The following OPCML variants were observed in gnomAD, a reference collection of about 807,000 sequenced individuals.
OPCML encodes the protein opioid binding protein/cell adhesion molecule like, also known as opioid-binding protein/cell adhesion molecule.
A neutral mutation model predicts 37.8 loss-of-function variants in OPCML; 13 were observed. The observed-to-expected ratio is 0.34, with a 90% CI of 0.22 to 0.55. OPCML has a LOEUF of 0.55. Ranked by LOEUF, OPCML falls within the 20% of genes least tolerant of loss-of-function variation. The pLI is 0.91. For missense variants in OPCML, 341 were observed against 435.6 expected (o/e 0.78, Z 1.93); for synonymous variants, 176 against 168.8 (o/e 1.04, Z -0.33).
intron 1 of OPCML, among the ~76,000 whole-genome samples, chr11:133,225,261 T>A (rs1939993823): frequency 6.6e-6 from 1 of 152,168 alleles, no homozygotes; most frequent in Non-Finnish European, 1.5e-5. Context: ...AGATTCTGAT[T>A]TCTCAGTTCA....
At chr11:132,448,686 C>T (rs889220501) in intron 4 of OPCML, among the ~76,000 whole-genome samples, 12 of 152,200 alleles carry the variant, frequency 7.9e-5, no homozygotes, top group African/African-American at 2.9e-4. Context: ...TCTTGCTAGC[C>T]TCCCTTCTTA....
At chr11:132,441,180 T>C (rs1281587070) in intron 4 of OPCML, among the ~76,000 whole-genome samples, 2 of 122,548 alleles carry the variant, frequency 1.6e-5, no homozygotes, top group African/African-American at 6.5e-5. Context: ...TTTTTTTTTT[T>C]TTTTTGAGAC....
chr11:133,178,438 AAT>A (rs542145571), intron 1 of OPCML, among the ~76,000 whole-genome samples: 3 of 150,884 alleles, frequency 2.0e-5, no homozygotes, highest in South Asian at 2.1e-4. Flanking sequence ...TTCAAATATG[AAT>A]ATATATATAT....
intron 2 of OPCML, among the ~76,000 whole-genome samples, chr11:132,910,593 T>C (rs1944396982): frequency 6.6e-6 from 1 of 152,210 alleles, no homozygotes; most frequent in Non-Finnish European, 1.5e-5. Flanking sequence ...TCCTCAAGCA[T>C]GTCTAGAGGG....
chr11:132,652,379 CACACACAGAG>C (rs1304650456), intron 3 of OPCML, among the ~76,000 whole-genome samples: 73 of 150,708 alleles, frequency 4.8e-4, no homozygotes, highest in African/African-American at 1.6e-3. Context: ...CACACACACA[CACACACAGAG>C]AGAGAAATCC....
intron 1 of OPCML, among the ~76,000 whole-genome samples, chr11:133,222,801 G>A (rs1463391086): frequency 6.6e-6 from 1 of 151,936 alleles, no homozygotes; most frequent in Non-Finnish European, 1.5e-5. Context: ...GTGGAGGTGG[G>A]GGGAGCAAAG....
chr11:132,833,792 C>T (rs1940851288), intron 2 of OPCML, among the ~76,000 whole-genome samples: 1 of 152,188 alleles, frequency 6.6e-6, no homozygotes, highest in Non-Finnish European at 1.5e-5. Context: ...TGTATATATG[C>T]ACCCCATCAT....
intron 1 of OPCML, among the ~76,000 whole-genome samples, chr11:133,383,704 T>A (rs994735685): frequency 3.9e-5 from 6 of 152,132 alleles, no homozygotes; most frequent in Admixed American, 3.9e-4. Flanking sequence ...CAAATAAACA[T>A]CATTTGAGGT....
chr11:133,329,641 A>G (rs1943569904), intron 1 of OPCML, among the ~76,000 whole-genome samples: 1 of 152,244 alleles, frequency 6.6e-6, no homozygotes, highest in East Asian at 1.9e-4. Flanking sequence ...CCATATGTAG[A>G]AAGCTGAAAC....
At chr11:132,432,452 A>G (rs183398998) in intron 7 of OPCML, among the ~76,000 whole-genome samples, 1 of 152,174 alleles carries the variant, frequency 6.6e-6, no homozygotes, top group African/African-American at 2.4e-5. Context: ...GAAACCAAAC[A>G]TCTTATCCAA....
At chr11:132,965,228 C>A (rs1405379050) in intron 1 of OPCML, among the ~76,000 whole-genome samples, 1 of 152,214 alleles carries the variant, frequency 6.6e-6, no homozygotes, top group East Asian at 1.9e-4. Flanking sequence ...AGTGTTCCCA[C>A]TTCTTCCATT....
At chr11:133,289,050 G>A (rs910491927) in intron 1 of OPCML, among the ~76,000 whole-genome samples, 1 of 152,190 alleles carries the variant, frequency 6.6e-6, no homozygotes, top group Non-Finnish European at 1.5e-5. Flanking sequence ...ACATGGGTGA[G>A]AAAGTCACAG....
rs555831799 is a variant in OPCML, at chr11:133,402,456, G to T, written c.61+129808C>A. On this transcript the variant is annotated intron_variant, in intron 1 of 7. Coordinates refer to ENST00000524381, the MANE Select transcript of OPCML (RefSeq NM_001012393.5). ...GCATTACAAGGATTTTAACAACCTA[G>T]ATTTCTAGAGAAATCTAGAGAAGCA... Among the ~76,000 whole-genome samples, 98 of 152,244 alleles carry T rather than the reference G, an allele frequency of 6.4e-4. 2 individuals are homozygous for T. The highest frequency in any genetic ancestry group is 2.3e-3 in the African/African-American group (94 of 41,536).
chr11:132,561,349 C>G (rs1222653262), intron 3 of OPCML, among the ~76,000 whole-genome samples: 1 of 152,180 alleles, frequency 6.6e-6, no homozygotes, highest in Non-Finnish European at 1.5e-5. Context: ...AAAATCCTTT[C>G]CTGGGTCCTC....
rs150885854 is a variant in OPCML, at chr11:133,368,294, G to A, written c.61+163970C>T. ...GGGAGGAGAAGGGAGAGGGAGAGGA[G>A]GGAAGGCAGATGAAGAGAAAGAGGT... On this transcript the variant is annotated intron_variant, in intron 1 of 7. Coordinates refer to ENST00000524381, the MANE Select transcript of OPCML (RefSeq NM_001012393.5). 8.9e-4 allele frequency among the ~76,000 whole-genome samples: 135 copies of A among 151,926 alleles called. 1 individual carries two copies. The highest frequency in any genetic ancestry group is 3.4e-3 in the Middle Eastern group (1 of 294).
intron 1 of OPCML, among the ~76,000 whole-genome samples, chr11:133,219,803 AG>A (rs5795831): frequency 0.34 from 51,064 of 151,894 alleles, 9,253 homozygotes; most frequent in African/African-American, 0.47. Context: ...CAGTTTGGGG[AG>A]GGGGGTGCTA....
chr11:132,973,716 A>G (rs1307071062), intron 1 of OPCML, among the ~76,000 whole-genome samples: 2 of 152,208 alleles, frequency 1.3e-5, no homozygotes, highest in Non-Finnish European at 2.9e-5. Flanking sequence ...TTTTCCAGCT[A>G]ATCTTTGGTC....
intron 3 of OPCML, among the ~76,000 whole-genome samples, chr11:132,563,139 T>C (rs970312239): frequency 6.6e-6 from 1 of 152,182 alleles, no homozygotes; most frequent in Non-Finnish European, 1.5e-5. Flanking sequence ...ACATTATTAA[T>C]TTAAGCCATC....
Position 132,706,177 on chromosome 11 carries a change from A to G in OPCML, c.147-48858T>C, listed in dbSNP as rs148731068. Among the ~76,000 whole-genome samples, 1,094 of 152,334 alleles carry G rather than the reference A, an allele frequency of 7.2e-3. 15 individuals are homozygous for G. The highest frequency in any genetic ancestry group is 0.025 in the African/African-American group (1,046 of 41,568). On this transcript the variant is annotated intron_variant, in intron 2 of 7. Coordinates refer to ENST00000524381, the MANE Select transcript of OPCML (RefSeq NM_001012393.5). ...GAGCAAAGCTGAATGCATTGCAGAT[A>G]CTTGGCTAGAGTCAATCACTACGAT...
Sources: gnomAD v4.1 joint callset for allele counts (sites outside exome capture counted in the v4.1 genomes callset) on GRCh38, gnomAD v4.1.1 for gene constraint, MANE v1.5 for transcripts, NCBI Gene and HGNC (gene_info 2026-07-23, HGNC 2026-07-21) for gene names.